The following CSNK1G2 variants were observed in gnomAD, a reference collection of about 807,000 sequenced individuals.
CSNK1G2 encodes casein kinase I isoform gamma-2.
CSNK1G2 carries 11 observed loss-of-function variants against 48.0 expected under a neutral mutation model. That is an observed-to-expected ratio of 0.23 (90% CI 0.14 to 0.38). The LOEUF (loss-of-function observed/expected upper bound fraction) is 0.38, where lower values mean the gene tolerates loss of function less well. Among genes scored for constraint, CSNK1G2 ranks in the 10% least tolerant of loss-of-function variants. CSNK1G2 has a pLI of 1.00. For missense variants in CSNK1G2, 446 were observed against 595.5 expected, an observed-to-expected ratio of 0.75 and a Z score of 2.61; for synonymous variants, 337 against 254.1, an observed-to-expected ratio of 1.33 and a Z score of -3.10.
intron 1 of CSNK1G2, among the ~76,000 whole-genome samples, chr19:1,967,601 C>A (rs374799540): frequency 6.6e-6 from 1 of 152,032 alleles, no homozygotes; most frequent in East Asian, 1.9e-4. Context: ...GTGACAGCCG[C>A]GTCCCTGGGG....
chr19:1,956,781 CTG>C (rs1184872167), intron 1 of CSNK1G2, among the ~76,000 whole-genome samples: 1 of 152,186 alleles, frequency 6.6e-6, no homozygotes, highest in Non-Finnish European at 1.5e-5. Flanking sequence ...TCCGTGGGGG[CTG>C]TGAGACAGCC....
chr19:1,971,731 C>T (rs969724983), intron 2 of CSNK1G2, among the ~76,000 whole-genome samples: 6 of 150,604 alleles, frequency 4.0e-5, no homozygotes, highest in African/African-American at 1.5e-4. Context: ...GTGCAGGTCC[C>T]TGTAGGCAGA....
chr19:1,971,713 G>GCTGAATAGTGCAGGTCC, intron 2 of CSNK1G2, among the ~76,000 whole-genome samples: 1 of 151,942 alleles, frequency 6.6e-6, no homozygotes, highest in East Asian at 1.9e-4. Flanking sequence ...GTTGCAGGCT[G>GCTGAATAGTGCAGGTCC]CTGAATAGTG....
intron 1 of CSNK1G2, among the ~76,000 whole-genome samples, chr19:1,965,447 GATCA>G (rs1258443053): frequency 4.6e-5 from 7 of 151,834 alleles, no homozygotes; most frequent in Non-Finnish European, 1.0e-4. Flanking sequence ...GTAGCCTGTG[GATCA>G]ATGAATGAAT....
chr19:1,953,774 T>TC, intron 1 of CSNK1G2: 1 of 465,934 alleles, frequency 2.1e-6, no homozygotes, highest in Non-Finnish European at 4.5e-6. Flanking sequence ...CCTTGCCCCC[T>TC]CCCCCCGCAT....
chr19:1,947,070 G>A (rs1444885203), intron 1 of CSNK1G2, among the ~76,000 whole-genome samples: 1 of 152,242 alleles, frequency 6.6e-6, no homozygotes, highest in African/African-American at 2.4e-5. Context: ...CTATTTAAAA[G>A]GCAGAGAAAA....
chr19:1,968,392 G>A (rs1053224876), intron 1 of CSNK1G2, among the ~76,000 whole-genome samples: 4 of 151,622 alleles, frequency 2.6e-5, no homozygotes, highest in Non-Finnish European at 5.9e-5. Flanking sequence ...CTGTCCCGAG[G>A]CTCCTTGCTG....
In CSNK1G2 at chr19:1,962,649, C is replaced by T. The variant is rs566729478; in HGVS notation, c.-265-6859C>T. Among the ~76,000 whole-genome samples the T allele has an allele frequency of 2.3e-4, 35 of 152,266 alleles. No homozygotes were observed. In the South Asian group the frequency reaches 5.0e-3, roughly 22 times the overall value. On this transcript the variant is annotated intron_variant, in intron 1 of 11. Transcript: ENST00000255641. ...TTGTGCTCCAGCCTGGGCGACAGAGCCAGACCCTGTCTCAAAACAAACACA... is the reference window on the plus strand; with the variant it reads ...TTGTGCTCCAGCCTGGGCGACAGAGTCAGACCCTGTCTCAAAACAAACACA...
intron 1 of CSNK1G2, among the ~76,000 whole-genome samples, chr19:1,950,065 A>G (rs563238142): frequency 6.6e-6 from 1 of 152,212 alleles, no homozygotes; most frequent in African/African-American, 2.4e-5. Context: ...CCACAGGATC[A>G]TCGAGGTGGC....
intron 1 of CSNK1G2, among the ~76,000 whole-genome samples, chr19:1,945,726 G>A (rs977590332): frequency 4.6e-5 from 7 of 151,952 alleles, no homozygotes; most frequent in African/African-American, 1.5e-4. Flanking sequence ...AGAGGCTGAG[G>A]CAGGAGAATC....
intron 1 of CSNK1G2, among the ~76,000 whole-genome samples, chr19:1,946,301 A>ATTTATTATTTATTTAT (rs1414304945): frequency 5.5e-5 from 4 of 72,834 alleles, no homozygotes; most frequent in Non-Finnish European, 1.4e-4. Flanking sequence ...TTATTTATTT[A>ATTTATTATTTATTTAT]TTTTTTTTAA....
intron 1 of CSNK1G2, among the ~76,000 whole-genome samples, chr19:1,942,862 C>G (rs1448995239): frequency 6.6e-6 from 1 of 152,186 alleles, no homozygotes; most frequent in African/African-American, 2.4e-5. Context: ...CCCTGTGTCT[C>G]CACCAAAACG....
chr19:1,980,351 C>G lies in CSNK1G2; in HGVS notation c.*148C>G, dbSNP rs547239345. The G allele has an allele frequency of 3.2e-6, 3 of 945,514 alleles. No homozygotes were observed. Among genetic ancestry groups the G allele is most frequent in the Non-Finnish European group, 4.9e-6 (3 of 607,942 alleles). 58.6% of individuals were successfully genotyped at this position (945,514 alleles called of 1,614,324 possible). On this transcript the variant is annotated 3_prime_UTR_variant, in exon 12 of 12. Coordinates refer to ENST00000255641, the MANE Select transcript of CSNK1G2 (RefSeq NM_001319.7). ...CAGACTGCAGGGGCCGCGCCTGGCT[C>G]AGGCGGCCCCACCCCCGGGACGTGG...
chr19:1,954,118 CACCTGATGCGT>C, intron 1 of CSNK1G2: 1 of 403,484 alleles, frequency 2.5e-6, no homozygotes, highest in Non-Finnish European at 5.2e-6. Context: ...TTCTCTTTTG[CACCTGATGCGT>C]TAAACCCATT....
chr19:1,959,751 C>T (rs1160664857), intron 1 of CSNK1G2, among the ~76,000 whole-genome samples: 2 of 105,086 alleles, frequency 1.9e-5, no homozygotes, highest in Non-Finnish European at 3.4e-5. Flanking sequence ...CCTTTAGTGC[C>T]ACCGTGGGTC....
intron 1 of CSNK1G2, among the ~76,000 whole-genome samples, chr19:1,946,586 C>T (rs979363247): frequency 5.6e-4 from 81 of 144,840 alleles, no homozygotes; most frequent in Non-Finnish European, 9.8e-4. Flanking sequence ...CCACCGCGCC[C>T]GGCTATTTAT....
At chr19:1,953,775 C>T (rs2014873098) in intron 1 of CSNK1G2, 12 of 469,728 alleles carry the variant, frequency 2.6e-5, no homozygotes, top group Non-Finnish European at 4.0e-5. Flanking sequence ...CTTGCCCCCT[C>T]CCCCCGCATC....
At chr19:1,952,308 G>T (rs2014793637) in intron 1 of CSNK1G2, among the ~76,000 whole-genome samples, 1 of 151,996 alleles carries the variant, frequency 6.6e-6, no homozygotes, top group Non-Finnish European at 1.5e-5. Flanking sequence ...AGGGCGGGAT[G>T]CTTCCACGTG....
intron 1 of CSNK1G2, 68 bp from the exon 2 acceptor site, chr19:1,969,440 C>T (rs966530262): frequency 5.8e-5 from 11 of 191,086 alleles, no homozygotes; most frequent in South Asian, 1.9e-4. Context: ...CTGTGGCCTC[C>T]GCCCCGTGTC....
Sources: gnomAD v4.1 joint callset for allele counts (sites outside exome capture counted in the v4.1 genomes callset) on GRCh38, gnomAD v4.1.1 for gene constraint, MANE v1.5 for transcripts, NCBI Gene and HGNC (gene_info 2026-07-23, HGNC 2026-07-21) for gene names.